FAM241A: variants seen among roughly 807,000 people sequenced by gnomAD.
FAM241A encodes family with sequence similarity 241 member A, also known as uncharacterized protein FAM241A.
A neutral mutation model predicts 12.2 loss-of-function variants in FAM241A; 7 were observed. The ratio of observed to expected loss-of-function variants is 0.58; its 90% CI spans 0.33 to 1.08. The LOEUF is 1.08. FAM241A is among the 50% of genes least tolerant of loss of function. The pLI, the probability that FAM241A is intolerant of heterozygous loss-of-function variation, is 0.04. For missense variants in FAM241A, 161 were observed against 169.7 expected (o/e 0.95, Z 0.29); for synonymous variants, 74 against 68.2 (o/e 1.08, Z -0.42).
At chr4:112,166,928 A>C (rs113471760) in intron 1 of FAM241A, among the ~76,000 whole-genome samples, 43,323 of 119,736 alleles carry the variant, frequency 0.36, 8,213 homozygotes, top group East Asian at 0.56. Context: ...TCCCGGCTAA[A>C]ATGGTGAAAC....
intron 1 of FAM241A, among the ~76,000 whole-genome samples, chr4:112,148,076 T>C (rs1723175482): frequency 6.6e-6 from 1 of 152,122 alleles, no homozygotes; most frequent in African/African-American, 2.4e-5. Flanking sequence ...CTTTCAATGA[T>C]TTTGTCAACA....
intron 1 of FAM241A, among the ~76,000 whole-genome samples, chr4:112,179,126 T>C (rs1425880026): frequency 6.6e-6 from 1 of 152,220 alleles, no homozygotes; most frequent in Admixed American, 6.5e-5. Flanking sequence ...AGCTCTTTAG[T>C]TTAATTAGAT....
chr4:112,163,654 G>C (rs1479556446), intron 1 of FAM241A, among the ~76,000 whole-genome samples: 1 of 152,184 alleles, frequency 6.6e-6, no homozygotes, highest in Non-Finnish European at 1.5e-5. Context: ...TAAAAAGTTA[G>C]GAAACAACTG....
intron 1 of FAM241A, among the ~76,000 whole-genome samples, chr4:112,160,659 T>C (rs1723445734): frequency 6.6e-6 from 1 of 152,176 alleles, no homozygotes; most frequent in Admixed American, 6.5e-5. Flanking sequence ...CAAGTTATAC[T>C]ACAGAGCTTT....
intron 1 of FAM241A, among the ~76,000 whole-genome samples, chr4:112,178,416 A>G (rs1332124113): frequency 6.6e-6 from 1 of 152,220 alleles, no homozygotes; most frequent in Non-Finnish European, 1.5e-5. Context: ...TCTTCTGCAT[A>G]TGACTAGCCA....
chr4:112,161,894 G>A (rs763767563), intron 1 of FAM241A, among the ~76,000 whole-genome samples: 2 of 152,058 alleles, frequency 1.3e-5, no homozygotes, highest in Admixed American at 6.6e-5. Context: ...GATGAAAACC[G>A]ATGCAGAAAT....
intron 1 of FAM241A, chr4:112,171,420 T>G: frequency 1.3e-6 from 1 of 770,870 alleles, no homozygotes; most frequent in Non-Finnish European, 2.4e-6. Context: ...TGCTAAGGCT[T>G]GAGTGTGTTG....
At position 112,145,570 on chromosome 4, in the gene FAM241A, T is replaced by C. The variant is rs1723115992; in HGVS notation, c.-11T>C. The C allele has an allele frequency of 2.4e-6, 3 of 1,246,034 alleles. No homozygotes were observed. Among genetic ancestry groups the C allele is most frequent in the Non-Finnish European group, 3.0e-6 (3 of 994,078 alleles). 77.2% of individuals were successfully genotyped at this position (1,246,034 alleles called of 1,614,324 possible). ...CGGCGGCTGTCCGGGGCGGTAGGAG[T>C]TGGCTGCGGGATGTGCTCAGCCGGG... On this transcript the variant is annotated 5_prime_UTR_variant, in exon 1 of 2. Coordinates refer to ENST00000309733, the MANE Select transcript of FAM241A (RefSeq NM_152400.3).
At chr4:112,177,362 ATTAACTAGATG>A (rs1371131044) in intron 1 of FAM241A, among the ~76,000 whole-genome samples, 1 of 152,202 alleles carries the variant, frequency 6.6e-6, no homozygotes, top group East Asian at 1.9e-4. Flanking sequence ...ACTAAGCAGC[ATTAACTAGATG>A]TTAGCTATTA....
chr4:112,175,230 A>T (rs1440498454), intron 1 of FAM241A, among the ~76,000 whole-genome samples: 1 of 152,216 alleles, frequency 6.6e-6, no homozygotes, highest in African/African-American at 2.4e-5. Flanking sequence ...AATTATGTCA[A>T]TGAAACCGTC....
In FAM241A at chr4:112,167,020, G is replaced by A. The variant is rs112711327; in HGVS notation, c.154-19673G>A. ...TCCCAGCTACTTGGGAGGCTGAGGC[G>A]GGAGAATGGCGTGAACCCGGGAGGC... is the stretch of plus-strand genomic sequence containing the variant. On this transcript the variant is annotated intron_variant, in intron 1 of 1. Transcript: ENST00000309733. 6.2e-3 allele frequency among the ~76,000 whole-genome samples: 349 copies of A among 56,276 alleles called. 12 individuals are homozygous for A. The highest frequency in any genetic ancestry group is 0.022 in the East Asian group (20 of 912). The allele number at this position is 56,276 out of a possible 152,430, so 36.9% of individuals were successfully genotyped here.
chr4:112,186,041 T>A (rs1724032975), intron 1 of FAM241A, among the ~76,000 whole-genome samples: 1 of 152,140 alleles, frequency 6.6e-6, no homozygotes, highest in African/African-American at 2.4e-5. Context: ...TGGCCTTAAT[T>A]ATAATACAAG....
At chr4:112,159,131 G>A (rs1723411378) in intron 1 of FAM241A, among the ~76,000 whole-genome samples, 1 of 152,160 alleles carries the variant, frequency 6.6e-6, no homozygotes, top group Non-Finnish European at 1.5e-5. Context: ...AGAGCTCACT[G>A]AGGTAATAGT....
chr4:112,162,132 A>C (rs1723485188), intron 1 of FAM241A, among the ~76,000 whole-genome samples: 1 of 152,232 alleles, frequency 6.6e-6, no homozygotes. Flanking sequence ...AAAACTCTTA[A>C]TAAATTAGGT....
intron 1 of FAM241A, among the ~76,000 whole-genome samples, chr4:112,154,879 C>G (rs528188380): frequency 6.6e-6 from 1 of 152,024 alleles, no homozygotes; most frequent in African/African-American, 2.4e-5. Flanking sequence ...CAAAAAGATA[C>G]AAAAATCAGC....
In FAM241A at chr4:112,145,711, A is replaced by T; in HGVS notation, c.131A>T (p.Gln44Leu). ...GGGGCGAGCCCGCGGCGGCGCGGAC[A>T]GCGGCCGAAGGAGAGCGAGCAGGTG... is the stretch of plus-strand genomic sequence containing the variant. ...DPGASPRRRG[Q>L]RPKESEQDVE... Residue 44 changes from glutamine to leucine, a missense_variant, in exon 1 of 2, where the codon CAG becomes CTG. Physicochemically the swap from Gln to Leu is moderately radical, Grantham distance 113 (BLOSUM62 -2). Coordinates refer to ENST00000309733, the MANE Select transcript of FAM241A (RefSeq NM_152400.3). 1.7e-6 allele frequency: 2 copies of T among 1,187,048 alleles called. No individual in the cohort carries two copies. Among genetic ancestry groups the T allele is most frequent in the Non-Finnish European group, 2.1e-6 (2 of 959,256 alleles). 73.5% of individuals were successfully genotyped at this position (1,187,048 alleles called of 1,614,324 possible).
intron 1 of FAM241A, among the ~76,000 whole-genome samples, chr4:112,155,093 G>A (rs1482938419): frequency 1.3e-5 from 2 of 151,878 alleles, no homozygotes; most frequent in African/African-American, 2.4e-5. Flanking sequence ...TCTTGAGTTC[G>A]TGGCCCACAG....
At chr4:112,174,854 CAATTGAACAATAA>C (rs750711880) in intron 1 of FAM241A, among the ~76,000 whole-genome samples, 76 of 152,326 alleles carry the variant, frequency 5.0e-4, no homozygotes, top group Admixed American at 1.3e-3. Flanking sequence ...TGACTGAAAC[CAATTGAACAATAA>C]ACTATTCTGA....
chr4:112,170,016 G>T (rs1723683391), intron 1 of FAM241A, among the ~76,000 whole-genome samples: 1 of 152,098 alleles, frequency 6.6e-6, no homozygotes, highest in Non-Finnish European at 1.5e-5. Context: ...TGGATTAAGT[G>T]GAACAAAATT....
Sources: gnomAD v4.1 joint callset for allele counts (sites outside exome capture counted in the v4.1 genomes callset) on GRCh38, gnomAD v4.1.1 for gene constraint, MANE v1.5 for transcripts, NCBI Gene and HGNC (gene_info 2026-07-23, HGNC 2026-07-21) for gene names.